The following PDGFC variants were observed in gnomAD, a reference collection of about 807,000 sequenced individuals.
PDGFC encodes platelet derived growth factor C, also known as platelet-derived growth factor C.
Under a neutral mutation model 35.5 loss-of-function variants are expected in PDGFC, and 12 were observed. That is an observed-to-expected ratio of 0.34 (90% CI 0.22 to 0.55). The LOEUF (loss-of-function observed/expected upper bound fraction) is 0.55, where lower values mean the gene tolerates loss of function less well. Among genes scored for constraint, PDGFC ranks in the 20% least tolerant of loss-of-function variants. The pLI is 0.91. For synonymous variants in PDGFC, 159 were observed against 148.8 expected (o/e 1.07, Z -0.50); for missense variants, 322 against 412.4 (o/e 0.78, Z 1.90).
At position 156,856,086 on chromosome 4, in the gene PDGFC, A is replaced by T. The variant is rs191913330; in HGVS notation, c.119-5670T>A. On this transcript the variant is annotated intron_variant, in intron 1 of 5. Transcript: ENST00000502773. Reference sequence around the variant, plus strand: ...ATGGGCTAGAGGGAAAAGAGACTCTAGTTTCTGCTTTATCATCATTTCCCA... The same window carrying T: ...ATGGGCTAGAGGGAAAAGAGACTCTTGTTTCTGCTTTATCATCATTTCCCA... Among the ~76,000 whole-genome samples the T allele has an allele frequency of 8.6e-4, 131 of 152,270 alleles. 1 individual carries two copies. The highest frequency in any genetic ancestry group is 3.1e-3 in the African/African-American group (128 of 41,560).
At chr4:156,912,121 A>T (rs969913031) in intron 1 of PDGFC, among the ~76,000 whole-genome samples, 1 of 152,110 alleles carries the variant, frequency 6.6e-6, no homozygotes, top group Admixed American at 6.6e-5. Context: ...TTTTTTCTGG[A>T]GGTCAGGAAA....
At chr4:156,858,918 C>T (rs1183164440) in intron 1 of PDGFC, among the ~76,000 whole-genome samples, 1 of 152,006 alleles carries the variant, frequency 6.6e-6, no homozygotes, top group Non-Finnish European at 1.5e-5. Context: ...GCAGAATTTA[C>T]AAGCAATTTA....
At chr4:156,778,826 A>G (rs1230133649) in intron 3 of PDGFC, among the ~76,000 whole-genome samples, 2 of 152,240 alleles carry the variant, frequency 1.3e-5, no homozygotes, top group Non-Finnish European at 2.9e-5. Flanking sequence ...AGGGCCTACA[A>G]AGATTTATGT....
At chr4:156,901,008 G>A (rs537846372) in intron 1 of PDGFC, among the ~76,000 whole-genome samples, 3 of 152,022 alleles carry the variant, frequency 2.0e-5, no homozygotes, top group Non-Finnish European at 2.9e-5. Flanking sequence ...GTACAAAAGA[G>A]AGAATGCAAA....
chr4:156,772,801 C>T lies in PDGFC; in HGVS notation c.588G>A (p.Leu196=). 6.2e-7 allele frequency: 1 copy of T among 1,612,852 alleles called. No individual in the cohort carries two copies. Among genetic ancestry groups the T allele is most frequent in the Middle Eastern group, 1.7e-4 (1 of 6,058 alleles). The stretch of plus-strand genomic sequence containing the variant: ...GTTCAAGATATCGAATAAGGTCTTC[C>T]AAGGTACTAAAGGCAGTTATAGCAT... ...LNNAITAFST[L]EDLIRYLEPE... is the part of the protein sequence containing the mutation. Residue 196 remains leucine, a synonymous_variant, in exon 4 of 6, where the codon TTG becomes TTA. Transcript: ENST00000502773.
intron 3 of PDGFC, among the ~76,000 whole-genome samples, chr4:156,806,207 T>C (rs879934504): frequency 6.6e-6 from 1 of 151,994 alleles, no homozygotes; most frequent in Non-Finnish European, 1.5e-5. Context: ...GAAGATGAAG[T>C]TCACTGAAGT....
chr4:156,920,633 C>A (rs879782937), intron 1 of PDGFC, among the ~76,000 whole-genome samples: 1 of 146,128 alleles, frequency 6.8e-6, no homozygotes, highest in Non-Finnish European at 1.5e-5. Flanking sequence ...AAAAGCTTAA[C>A]AGGAAAAGAA....
In PDGFC at chr4:156,805,877, T is replaced by C. The variant is rs139265576; in HGVS notation, c.495+4960A>G. Among the ~76,000 whole-genome samples the C allele has an allele frequency of 5.3e-3, 799 of 152,130 alleles. 9 individuals carry two copies. The highest frequency in any genetic ancestry group is 0.018 in the African/African-American group (759 of 41,532). On this transcript the variant is annotated intron_variant, in intron 3 of 5. Coordinates refer to ENST00000502773, the MANE Select transcript of PDGFC (RefSeq NM_016205.3). ...TGGCAATCAGTCATGCATTCCTTAA[T>C]AGCACCTCAGGCATCAAGTGTCCTT... is the stretch of plus-strand genomic sequence containing the variant.
At position 156,877,074 on chromosome 4, in the gene PDGFC, C is replaced by A. The variant is rs57184018; in HGVS notation, c.119-26658G>T. Among the ~76,000 whole-genome samples the A allele has an allele frequency of 7.8e-3, 1,179 of 152,024 alleles. 9 individuals are homozygous for A. The highest frequency in any genetic ancestry group is 0.027 in the African/African-American group (1,105 of 41,472). ...CACTAAATGATATAGCTTCTACACA[C>A]CTTTCTGTTTTCCTTTTTCTTTTTT... On this transcript the variant is annotated intron_variant, in intron 1 of 5. Coordinates refer to ENST00000502773, the MANE Select transcript of PDGFC (RefSeq NM_016205.3).
At chr4:156,901,758 G>T (rs985944330) in intron 1 of PDGFC, among the ~76,000 whole-genome samples, 6 of 152,064 alleles carry the variant, frequency 3.9e-5, no homozygotes, top group Non-Finnish European at 8.8e-5. Context: ...GAGGAGCTCG[G>T]TGTACCACCA....
chr4:156,945,342 CATATATATATATATATATATATATAT>C (rs201167463), intron 1 of PDGFC, among the ~76,000 whole-genome samples: 843 of 81,092 alleles, frequency 0.01, 28 homozygotes, highest in African/African-American at 0.029. Context: ...CATATACATA[CATATATATATATATATATATATATAT>C]ATATATATAT....
intron 1 of PDGFC, among the ~76,000 whole-genome samples, chr4:156,951,197 A>T (rs1732071827): frequency 6.6e-6 from 1 of 151,870 alleles, no homozygotes; most frequent in Non-Finnish European, 1.5e-5. Flanking sequence ...CTAAAATTTC[A>T]GGCTTCATGT....
chr4:156,888,250 A>G (rs997928037), intron 1 of PDGFC, among the ~76,000 whole-genome samples: 4 of 152,136 alleles, frequency 2.6e-5, no homozygotes, highest in Non-Finnish European at 5.9e-5. Flanking sequence ...CACTTATCAG[A>G]AACATCATAC....
At position 156,931,990 on chromosome 4, in the gene PDGFC, A is replaced by G. The variant is rs140510839; in HGVS notation, c.118+38796T>C. Among the ~76,000 whole-genome samples the G allele has an allele frequency of 8.4e-3, 1,275 of 152,278 alleles. 10 individuals carry two copies. The highest frequency in any genetic ancestry group is 0.029 in the African/African-American group (1,206 of 41,542). ...CAATACTAACCCTGACATTTATAGT[A>G]TATGATTTGAGGTAAAAATAGCTCA... is the stretch of plus-strand genomic sequence containing the variant. On this transcript the variant is annotated intron_variant, in intron 1 of 5. Coordinates refer to ENST00000502773, the MANE Select transcript of PDGFC (RefSeq NM_016205.3).
rs1174868751 is a variant in PDGFC, at chr4:156,772,111, G to A, written c.703+575C>T. Among the ~76,000 whole-genome samples the A allele has an allele frequency of 1.1e-4, 17 of 151,046 alleles. No individual in the cohort carries two copies. In the East Asian group the frequency reaches 3.1e-3, roughly 27 times the overall value. On this transcript the variant is annotated intron_variant, in intron 4 of 5. Transcript: ENST00000502773. The stretch of plus-strand genomic sequence containing the variant: ...TTATATAGTTAAAAATTATTATGGT[G>A]TGGGTTCTTTTAGGTTCTTGTTTTC...
intron 1 of PDGFC, among the ~76,000 whole-genome samples, chr4:156,905,563 G>A (rs545271773): frequency 3.2e-4 from 49 of 152,194 alleles, no homozygotes; most frequent in Non-Finnish European, 4.7e-4. Flanking sequence ...TGATTTCAAA[G>A]CTTCACATTC....
At chr4:156,772,383 G>A (rs1004307519) in intron 4 of PDGFC, among the ~76,000 whole-genome samples, 4 of 152,110 alleles carry the variant, frequency 2.6e-5, no homozygotes, top group Non-Finnish European at 4.4e-5. Flanking sequence ...GTTTGAGTAA[G>A]CAGTGATTTT....
chr4:156,868,300 T>C (rs1192307176), intron 1 of PDGFC, among the ~76,000 whole-genome samples: 1 of 152,208 alleles, frequency 6.6e-6, no homozygotes, highest in African/African-American at 2.4e-5. Context: ...ATTTATGTAA[T>C]GCAAAATTAA....
intron 3 of PDGFC, among the ~76,000 whole-genome samples, chr4:156,795,332 C>A (rs1289456147): frequency 6.6e-6 from 1 of 152,080 alleles, no homozygotes; most frequent in East Asian, 1.9e-4. Context: ...CTCATAAAAT[C>A]ATGGAGGATT....
Sources: gnomAD v4.1 joint callset for allele counts (sites outside exome capture counted in the v4.1 genomes callset) on GRCh38, gnomAD v4.1.1 for gene constraint, MANE v1.5 for transcripts, NCBI Gene and HGNC (gene_info 2026-07-23, HGNC 2026-07-21) for gene names.